The following KRT8 variants were observed in gnomAD, a reference collection of about 807,000 sequenced individuals.
KRT8 encodes keratin, type II cytoskeletal 8.
KRT8 carries 24 observed loss-of-function variants against 43.0 expected under a neutral mutation model. The observed-to-expected ratio is 0.56, with a 90% CI of 0.40 to 0.78. The LOEUF (loss-of-function observed/expected upper bound fraction) is 0.78, where lower values mean the gene tolerates loss of function less well. KRT8 is among the 30% of genes least tolerant of loss of function. The pLI, the probability that KRT8 is intolerant of heterozygous loss-of-function variation, is 0.00. For synonymous variants in KRT8, 214 were observed against 261.2 expected, an observed-to-expected ratio of 0.82 and a Z score of 1.74; for missense variants, 492 against 638.4, an observed-to-expected ratio of 0.77 and a Z score of 2.47.
chr12:52,899,793 A>G (rs753007301), exon 5 of KRT8: 1 of 1,611,642 alleles, frequency 6.2e-7, no homozygotes, highest in Non-Finnish European at 8.5e-7. Flanking sequence ...TGAGGCCCTC[A>G]ATCTCAGCCT....
Position 52,922,184 on chromosome 12 carries a change from TAAAAAAAAAAAAAAAA to T in KRT8, c.-46-17173_-46-17158del, listed in dbSNP as rs57023136. ...GGGTGACAGAGTGAGACCCTGTCTC[TAAAAAAAAAAAAAAAA>T]AAAAAAAAAAAAAAAAAAAAATGTA... On this transcript the variant is annotated intron_variant, in intron 2 of 6. Coordinates refer to the KRT8 transcript ENST00000546826. 4.6e-4 allele frequency among the ~76,000 whole-genome samples: 18 copies of T among 38,728 alleles called. No individual in the cohort carries two copies. The South Asian group carries it at 0.011, about 25-fold the overall frequency. The allele number at this position is 38,728 out of a possible 152,430, so 25.4% of individuals were successfully genotyped here. A position where few individuals can be genotyped will look rare whatever the true frequency, so the allele number is the denominator to read the frequency against.
At chr12:52,949,843 G>A (rs1204995410) in exon 1 of KRT8, 2 of 702,118 alleles carry the variant, frequency 2.8e-6, no homozygotes, top group East Asian at 2.7e-5. Flanking sequence ...TGGACAGCAT[G>A]GAGGGAGGTA....
upstream of KRT8, chr12:52,906,722 G>A (rs1378492887): frequency 2.2e-6 from 1 of 455,822 alleles, no homozygotes; most frequent in East Asian, 7.0e-5. Context: ...TGAACTCAGA[G>A]GACCAACAGA....
intron 2 of KRT8, among the ~76,000 whole-genome samples, chr12:52,928,443 G>A (rs1942030783): frequency 6.6e-6 from 1 of 151,820 alleles, no homozygotes; most frequent in African/African-American, 2.4e-5. Flanking sequence ...TCTGCCCAGG[G>A]CCAGACCTCC....
chr12:52,936,466 G>A lies in KRT8; in HGVS notation c.-47+12990C>T, dbSNP rs1199031222. On this transcript the variant is annotated intron_variant, in intron 2 of 6. Transcript: ENST00000546826. ...CCAGACTATTATTTTATGTTTTGTAGAAAAGCGGTCTCACTATGTTGCGGA... is the reference window on the plus strand; with the variant it reads ...CCAGACTATTATTTTATGTTTTGTAAAAAAGCGGTCTCACTATGTTGCGGA... 3.3e-5 allele frequency among the ~76,000 whole-genome samples: 5 copies of A among 152,104 alleles called. No individual in the cohort carries two copies. The East Asian group carries it at 9.7e-4, about 29-fold the overall frequency.
At chr12:52,934,033 G>T (rs1335565183) in intron 2 of KRT8, among the ~76,000 whole-genome samples, 3 of 148,476 alleles carry the variant, frequency 2.0e-5, no homozygotes, top group Non-Finnish European at 3.0e-5. Flanking sequence ...TTCAAGACCA[G>T]CCTGGCCAAC....
intron 1 of KRT8, chr12:52,949,630 A>G: frequency 1.9e-6 from 3 of 1,549,238 alleles, no homozygotes; most frequent in Non-Finnish European, 2.7e-6. Context: ...GCCTTGTCTG[A>G]CCCTCCAATT....
intron 2 of KRT8, among the ~76,000 whole-genome samples, chr12:52,924,215 G>A (rs1406791462): frequency 6.6e-6 from 1 of 152,106 alleles, no homozygotes; most frequent in Non-Finnish European, 1.5e-5. Context: ...TTGGGAGGCT[G>A]AGGCAGACAG....
In KRT8 at chr12:52,949,480, A is replaced by G. The variant is rs61136606; in HGVS notation, c.-71T>C. ...CCTGGACAGAGTGAGGAGCCTGGAGACCGAGAACCGGAGGCTGGAGAGCAA... is the reference window on the plus strand; with the variant it reads ...CCTGGACAGAGTGAGGAGCCTGGAGGCCGAGAACCGGAGGCTGGAGAGCAA... On this transcript the variant is annotated 5_prime_UTR_variant, in exon 2 of 7. Coordinates refer to the KRT8 transcript ENST00000546826. 6.2e-7 allele frequency: 1 copy of G among 1,613,460 alleles called. No homozygotes were observed. The highest frequency in any genetic ancestry group is 1.7e-5 in the Admixed American group (1 of 60,032).
exon 2 of KRT8, chr12:52,901,988 C>T (rs1479025322): frequency 1.9e-6 from 3 of 1,604,098 alleles, no homozygotes; most frequent in Non-Finnish European, 2.5e-6. Flanking sequence ...AACATGTTGT[C>T]CATGTTGCTT....
chr12:52,929,729 C>G (rs948864859), intron 2 of KRT8, among the ~76,000 whole-genome samples: 3 of 152,106 alleles, frequency 2.0e-5, no homozygotes, highest in African/African-American at 7.2e-5. Flanking sequence ...TTTGTGAAAG[C>G]CACCCACAGA....
At chr12:52,900,526 T>A (rs1237746361) in intron 4 of KRT8, 62 bp downstream of exon 4, 2 of 1,046,596 alleles carry the variant, frequency 1.9e-6, no homozygotes, top group Non-Finnish European at 3.0e-6. Context: ...TCTGGTTGAG[T>A]CTCAGGGTGG....
chr12:52,920,663 T>A lies in KRT8; in HGVS notation c.-46-15636A>T, dbSNP rs117746611. 3.7e-3 allele frequency among the ~76,000 whole-genome samples: 565 copies of A among 152,252 alleles called. 5 individuals are homozygous for A. Among genetic ancestry groups the A allele is most frequent in the Non-Finnish European group, 5.6e-3 (384 of 68,030 alleles). ...CTTGACTATGTTGTTGACCGTCACA[T>A]CCACAGCATTAGAAAGACATCTAAC... On this transcript the variant is annotated intron_variant, in intron 2 of 6. Transcript: ENST00000546826.
In KRT8 at chr12:52,900,996, AC is replaced by A. The variant is rs974120248; in HGVS notation, c.594+162del. 97 of 732,618 alleles carry A rather than the reference AC, an allele frequency of 1.3e-4. 1 individual carries two copies. Among genetic ancestry groups the A allele is most frequent in the South Asian group, 1.3e-3 (85 of 67,728 alleles). The allele number at this position is 732,618 out of a possible 1,614,324, so 45.4% of individuals were successfully genotyped here. On this transcript the variant is annotated intron_variant, in intron 3 of 7. Transcript: ENST00000692008. ...TCAAGAGTTCTGTCCAAATGCACCT[AC>A]CACTCCATCCTTGTCTACCTTTCTG...
At chr12:52,922,972 C>T (rs533829935) in intron 2 of KRT8, among the ~76,000 whole-genome samples, 1 of 152,142 alleles carries the variant, frequency 6.6e-6, no homozygotes, top group East Asian at 1.9e-4. Flanking sequence ...TCCAGAAGAC[C>T]TCCAGGAGCT....
chr12:52,932,607 A>C (rs1942102773), intron 2 of KRT8, among the ~76,000 whole-genome samples: 1 of 152,178 alleles, frequency 6.6e-6, no homozygotes, highest in Admixed American at 6.6e-5. Context: ...AAAAGAAGCA[A>C]TAAAACTATC....
chr12:52,924,272 C>A (rs1360926435), intron 2 of KRT8, among the ~76,000 whole-genome samples: 5 of 152,102 alleles, frequency 3.3e-5, no homozygotes, highest in Middle Eastern at 6.8e-3. Context: ...CACGGTGAAA[C>A]CCTGTCTCTA....
At chr12:52,918,389 A>C (rs1456475271) in intron 2 of KRT8, among the ~76,000 whole-genome samples, 1 of 152,114 alleles carries the variant, frequency 6.6e-6, no homozygotes, top group Non-Finnish European at 1.5e-5. Flanking sequence ...CGCTGCATGC[A>C]TCACCTCATT....
At chr12:52,926,533 A>T in intron 2 of KRT8, 1 of 1,356,624 alleles carries the variant, frequency 7.4e-7, no homozygotes. Context: ...GGAAGTGGCC[A>T]CTCCTATAGA....
Sources: gnomAD v4.1 joint callset for allele counts (sites outside exome capture counted in the v4.1 genomes callset) on GRCh38, gnomAD v4.1.1 for gene constraint, MANE v1.5 for transcripts, NCBI Gene and HGNC (gene_info 2026-07-23, HGNC 2026-07-21) for gene names.